Variants in GLIS3 observed in about 807,000 individuals in gnomAD.
GLIS3 encodes GLIS family zinc finger 3, also known as zinc finger protein GLIS3.
Under a neutral mutation model 78.6 loss-of-function variants are expected in GLIS3, and 53 were observed. That is an observed-to-expected ratio of 0.67 (90% CI 0.54 to 0.85). The LOEUF (loss-of-function observed/expected upper bound fraction) is 0.85. GLIS3 is among the 40% of genes least tolerant of loss of function. The probability of loss-of-function intolerance (pLI) is 0.00; values close to 1 mark genes in which losing one functional copy is unlikely to be tolerated. For missense variants in GLIS3, 1,703 were observed against 1,231.1 expected (o/e 1.38, Z -5.74); for synonymous variants, 684 against 509.9 (o/e 1.34, Z -4.60).
At chr9:3,981,280 T>C (rs1398805715) in intron 4 of GLIS3, among the ~76,000 whole-genome samples, 2 of 152,200 alleles carry the variant, frequency 1.3e-5, no homozygotes, top group Non-Finnish European at 2.9e-5. Context: ...GCACTATACA[T>C]GAATCAGAAA....
At chr9:4,352,826 T>C (rs1817991695), upstream of GLIS3, among the ~76,000 whole-genome samples, 1 of 152,234 alleles carries the variant, frequency 6.6e-6, no homozygotes, top group Admixed American at 6.5e-5. Flanking sequence ...CAAAAATGAA[T>C]CTTCATAGTT....
intron 6 of GLIS3, among the ~76,000 whole-genome samples, chr9:3,914,459 G>A (rs938448517): frequency 6.6e-6 from 1 of 151,722 alleles, no homozygotes; most frequent in African/African-American, 2.4e-5. Context: ...GAGCCTCTGC[G>A]CCCAGCCAAA....
intron 8 of GLIS3, among the ~76,000 whole-genome samples, chr9:3,856,609 G>T (rs957630040): frequency 1.3e-5 from 2 of 152,184 alleles, no homozygotes; most frequent in Non-Finnish European, 1.5e-5. Flanking sequence ...CATTTTGTTT[G>T]TTTTGTAAGA....
the GLIS3 span, among the ~76,000 whole-genome samples, chr9:4,445,028 C>T: frequency 3.9e-5 from 6 of 152,178 alleles, no homozygotes; most frequent in African/African-American, 1.2e-4. Context: ...CTCATATATA[C>T]TAGTTGGTTG....
In GLIS3 at chr9:4,036,462, G is replaced by A. The variant is rs376600417; in HGVS notation, c.1710+81306C>T. On this transcript the variant is annotated intron_variant, in intron 4 of 10. Transcript: ENST00000381971. The stretch of plus-strand genomic sequence containing the variant: ...AAATGATTGACAACTTGAATTGAAA[G>A]CAAGACTCCTGTTGTGAAAGAAGTA... Among the ~76,000 whole-genome samples, 407 of 152,228 alleles carry A rather than the reference G, an allele frequency of 2.7e-3. 2 individuals are homozygous for A. The highest frequency in any genetic ancestry group is 9.5e-3 in the African/African-American group (395 of 41,538).
chr9:4,121,895 G>A (rs1300258001), intron 3 of GLIS3, among the ~76,000 whole-genome samples: 22 of 152,174 alleles, frequency 1.4e-4, no homozygotes, highest in Non-Finnish European at 4.4e-5. Context: ...TGGTTCCAAA[G>A]GATTCTGGCC....
At chr9:4,409,912 T>A in the GLIS3 span, among the ~76,000 whole-genome samples, 1 of 152,316 alleles carries the variant, frequency 6.6e-6, no homozygotes, top group African/African-American at 2.4e-5. Context: ...TTTTACTATC[T>A]TTTTTGACAG....
intron 6 of GLIS3, among the ~76,000 whole-genome samples, chr9:3,925,021 T>C (rs1188505241): frequency 6.6e-6 from 1 of 152,178 alleles, no homozygotes; most frequent in East Asian, 1.9e-4. Flanking sequence ...TCGTCATTCC[T>C]TACACAGTTG....
chr9:3,986,318 T>G (rs1023422437), intron 4 of GLIS3, among the ~76,000 whole-genome samples: 5 of 152,184 alleles, frequency 3.3e-5, no homozygotes, highest in Admixed American at 3.3e-4. Context: ...GTAGATAATT[T>G]TGCTTGGCTC....
intron 4 of GLIS3, among the ~76,000 whole-genome samples, chr9:4,117,287 T>G (rs1344793862): frequency 1.3e-5 from 2 of 152,180 alleles, no homozygotes; most frequent in African/African-American, 2.4e-5. Context: ...GCCGAAACAC[T>G]TTTACTAGCC....
In GLIS3 at chr9:4,197,322, G is replaced by C. The variant is rs533620949; in HGVS notation, c.389-71381C>G. 5.9e-5 allele frequency among the ~76,000 whole-genome samples: 9 copies of C among 152,262 alleles called. No individual in the cohort carries two copies. In the East Asian group the frequency reaches 1.7e-3, roughly 29 times the overall value. On this transcript the variant is annotated intron_variant, in intron 2 of 10. Transcript: ENST00000381971. ...AGACATTTGGAGCACCCACTTGCCT[G>C]GATCAGTAGCCTAAACTGCCCTACC...
At chr9:4,036,121 G>C (rs1009128643) in intron 4 of GLIS3, 5 of 152,132 alleles carry the variant, frequency 3.3e-5, no homozygotes, top group Non-Finnish European at 7.4e-5. Flanking sequence ...ATTACCATCT[G>C]AAAAAAGCCC....
In GLIS3 at chr9:4,248,478, T is replaced by C. The variant is rs112317556; in HGVS notation, c.388+37560A>G. Reference sequence around the variant, plus strand: ...TGTATATGTGCCACATTTTCTTTATTCAGTCTATCATTGATGGGCATTTGG... The same window carrying C: ...TGTATATGTGCCACATTTTCTTTATCCAGTCTATCATTGATGGGCATTTGG... On this transcript the variant is annotated intron_variant, in intron 2 of 10. Coordinates refer to ENST00000381971, the MANE Select transcript of GLIS3 (RefSeq NM_001042413.2). Among the ~76,000 whole-genome samples, 375 of 152,276 alleles carry C rather than the reference T, an allele frequency of 2.5e-3. 2 individuals carry two copies. The highest frequency in any genetic ancestry group is 8.8e-3 in the African/African-American group (367 of 41,566).
chr9:4,250,351 T>G (rs1824245823), intron 2 of GLIS3, among the ~76,000 whole-genome samples: 1 of 152,222 alleles, frequency 6.6e-6, no homozygotes, highest in Non-Finnish European at 1.5e-5. Context: ...TGAGAGGGTG[T>G]ATGTGTCCAG....
the GLIS3 span, among the ~76,000 whole-genome samples, chr9:4,392,027 A>G: frequency 1.3e-5 from 2 of 152,250 alleles, no homozygotes; most frequent in Non-Finnish European, 2.9e-5. Flanking sequence ...CAGACTGGAT[A>G]AAGAAAATGT....
At chr9:4,200,102 T>C (rs7341741) in intron 2 of GLIS3, among the ~76,000 whole-genome samples, 3,097 of 152,170 alleles carry the variant, frequency 0.02, 123 homozygotes, top group African/African-American at 0.071. Context: ...CAAACTTCAA[T>C]ATAAATGAAA....
chr9:4,314,235 A>G (rs1431165789), intron 2 of GLIS3, among the ~76,000 whole-genome samples: 1 of 152,204 alleles, frequency 6.6e-6, no homozygotes, highest in Non-Finnish European at 1.5e-5. Flanking sequence ...CTCAAATGTG[A>G]GCTGGTGTTG....
chr9:4,003,578 G>A (rs371425587), intron 4 of GLIS3, among the ~76,000 whole-genome samples: 5 of 152,168 alleles, frequency 3.3e-5, no homozygotes, highest in East Asian at 1.9e-4. Flanking sequence ...AGCTTCCAAC[G>A]ATTCCTTCTA....
upstream of GLIS3, among the ~76,000 whole-genome samples, chr9:4,300,281 C>A (rs185299520): frequency 3.3e-5 from 5 of 152,082 alleles, no homozygotes; most frequent in East Asian, 9.7e-4. Context: ...AACTCCAGAA[C>A]AGGGTAACAG....
Sources: allele counts gnomAD v4.1 joint callset (sites outside exome capture counted in the v4.1 genomes callset), GRCh38; gene constraint gnomAD v4.1.1; transcripts MANE v1.5; gene names NCBI Gene and HGNC (gene_info 2026-07-23, HGNC 2026-07-21).